FBXW5: variants seen among roughly 807,000 people sequenced by gnomAD.
FBXW5 encodes the protein F-box/WD repeat-containing protein 5.
Under a neutral mutation model 50.9 loss-of-function variants are expected in FBXW5, and 74 were observed. That is an observed-to-expected ratio of 1.45 (90% CI 1.20 to 1.76). FBXW5 has a LOEUF of 1.76. Ranked by LOEUF, FBXW5 falls within the 40% of genes most tolerant of loss-of-function variation. The probability of loss-of-function intolerance (pLI) is 0.00; values close to 1 mark genes in which losing one functional copy is unlikely to be tolerated. For missense variants in FBXW5, 1,073 were observed against 818.8 expected, an observed-to-expected ratio of 1.31 and a Z score of -3.79; for synonymous variants, 523 against 362.2, an observed-to-expected ratio of 1.44 and a Z score of -5.04.
chr9:136,943,391 G>A lies in FBXW5; in HGVS notation c.309C>T (p.Ser103=), dbSNP rs763323783. ...DQVLHLSFSH[S]GYQFASCSKD... ...TGGAGCAGGACGCGAACTGGTACCC[G>A]GAATGGGAGAAGCTGAGGTGCAGGA... is the stretch of plus-strand genomic sequence containing the variant. The change falls in exon 3 of 9, where the codon TCC becomes TCT. Residue 103 remains serine (S), a synonymous_variant. Transcript: ENST00000325285. 9.3e-6 allele frequency: 15 copies of A among 1,612,788 alleles called. No homozygotes were observed. Among genetic ancestry groups the A allele is most frequent in the South Asian group, 4.4e-5 (4 of 91,090 alleles).
intron 3 of FBXW5, 107 bp downstream of exon 3, chr9:136,943,242 T>TGGGGGGGG: frequency 2.3e-5 from 28 of 1,213,708 alleles, no homozygotes; most frequent in Non-Finnish European, 2.9e-5. Context: ...ACCTCTGGCC[T>TGGGGGGGG]GACCCACCCC....
At position 136,941,573 on chromosome 9, in the gene FBXW5, C is replaced by T; in HGVS notation, c.1208G>A (p.Gly403Glu). The T allele has an allele frequency of 6.2e-7, 1 of 1,610,006 alleles. No individual in the cohort carries two copies. The highest frequency in any genetic ancestry group is 1.3e-5 in the African/African-American group (1 of 74,096). ...CGACAGGCCCATGCCGATGATGTGT[C>T]CGTGTATGTCTATGACGTGGTCCAG... Reference protein sequence around the residue: ...DALDHVIDIHGHIIGMGLSPD... With the variant: ...DALDHVIDIHEHIIGMGLSPD... Residue 403 changes from glycine to glutamate, a missense_variant, in exon 7 of 9, where the codon GGA (glycine) becomes GAA (glutamate). By Grantham distance (98) the Gly-to-Glu change is moderately conservative. Coordinates refer to ENST00000325285, the MANE Select transcript of FBXW5 (RefSeq NM_018998.4).
In FBXW5 at chr9:136,943,498, A is replaced by G; in HGVS notation, c.202T>C (p.Ser68Pro). The change falls in exon 3 of 9, where the codon TCC becomes CCC. Residue 68 changes from serine (S) to proline (P), a missense_variant. Coordinates refer to ENST00000325285, the MANE Select transcript of FBXW5 (RefSeq NM_018998.4). The stretch of plus-strand genomic sequence containing the variant: ...AGCCGCTGGAACTCCTCGTACCAGG[A>G]CATGGCCGCTGCGGGTGGGCAGTTG... Reference protein sequence around the residue: ...RDVPRHPAAMSWYEEFQRLYD... With the variant: ...RDVPRHPAAMPWYEEFQRLYD... The G allele has an allele frequency of 6.2e-7, 1 of 1,608,998 alleles. No individual in the cohort carries two copies.
Position 136,940,945 on chromosome 9 carries a change from C to T in FBXW5, c.1684G>A (p.Ala562Thr), listed in dbSNP as rs747947815. 3.3e-5 allele frequency: 52 copies of T among 1,574,302 alleles called. No homozygotes were observed. Among genetic ancestry groups the T allele is most frequent in the Non-Finnish European group, 3.9e-5 (45 of 1,161,130 alleles). The change falls in exon 9 of 9, where the codon GCC becomes ACC. Residue 562 changes from alanine (A) to threonine (T), a missense_variant. Ala to Thr is a moderately conservative substitution (Grantham distance 58). Transcript: ENST00000325285. ...AGCACACCTCAGCGCCTCTGGCTGG[C>T]AAGCCAGGAGAAGAAGGTGCGAGGC... ...PRPRTFFSWL[A>T]SQRR
At position 136,941,239 on chromosome 9, in the gene FBXW5, C is replaced by G. The variant is rs370227114; in HGVS notation, c.1457+12G>C. The G allele has an allele frequency of 1.2e-6, 2 of 1,602,104 alleles. No homozygotes were observed. The highest frequency in any genetic ancestry group is 1.7e-6 in the Non-Finnish European group (2 of 1,178,474). ...TGCCCACACCCGCCCTGCACCACGC[C>G]GCGCCCTGCACCTGGCCACGAAGTC... On this transcript the variant is annotated intron_variant, in intron 8 of 8. Coordinates refer to ENST00000325285, the MANE Select transcript of FBXW5 (RefSeq NM_018998.4).
rs150544333 is a variant in FBXW5, at chr9:136,941,522, T to C, written c.1244+15A>G. On this transcript the variant is annotated intron_variant, in intron 7 of 8. Coordinates refer to ENST00000325285, the MANE Select transcript of FBXW5 (RefSeq NM_018998.4). ...CCTGCGGGCACCCCGCCTGGGACAC[T>C]GGCAAGAGGCCCACCTGTTGTCGGG... The C allele has an allele frequency of 3.4e-5, 55 of 1,607,094 alleles. No individual in the cohort carries two copies. In the East Asian group the frequency reaches 1.2e-3, roughly 35 times the overall value.
intron 3 of FBXW5, 80 bp from the exon 4 acceptor site, chr9:136,943,023 C>T: frequency 6.3e-7 from 1 of 1,596,234 alleles, no homozygotes; most frequent in Non-Finnish European, 8.5e-7. Flanking sequence ...CATGAGGCCC[C>T]AGCTCTGCCA....
chr9:136,943,888 G>A lies in FBXW5; in HGVS notation c.193+3C>T, dbSNP rs1850917895. The A allele has an allele frequency of 1.9e-6, 3 of 1,549,654 alleles. No homozygotes were observed. The highest frequency in any genetic ancestry group is 2.6e-6 in the Non-Finnish European group (3 of 1,146,688). ...GTGGGTAGGGGCCCCACACGCCACT[G>A]ACCTGGGTGTCGGGGCACGTCGCGG... On this transcript the variant is annotated splice_donor_region_variant and intron_variant, in intron 2 of 8. Coordinates refer to ENST00000325285, the MANE Select transcript of FBXW5 (RefSeq NM_018998.4).
At chr9:136,943,244 A>AGGCC in intron 3 of FBXW5, 105 bp downstream of exon 3, 1 of 727,610 alleles carries the variant, frequency 1.4e-6, no homozygotes, top group Non-Finnish European at 2.1e-6. Context: ...CTCTGGCCTG[A>AGGCC]CCCACCCCCC....
chr9:136,942,495 C>T (rs752888528), intron 5 of FBXW5, 29 bp from the exon 6 acceptor site: 45 of 1,597,380 alleles, frequency 2.8e-5, no homozygotes, highest in Middle Eastern at 1.7e-4. Context: ...GCCAGGTGGG[C>T]GCCGGGCGCC....
In FBXW5 at chr9:136,942,879, C is replaced by G; in HGVS notation, c.416G>C (p.Ser139Thr). 6.2e-7 allele frequency: 1 copy of G among 1,613,462 alleles called. No homozygotes were observed. The highest frequency in any genetic ancestry group is 8.5e-7 in the Non-Finnish European group (1 of 1,179,922). Residue 139 changes from serine (S) to threonine (T), a missense_variant, in exon 4 of 9, where the codon AGC becomes ACC. Transcript: ENST00000325285. ...GTTGAACTGGGAGAACTGGGTGTAG[C>G]TCCAGTTGTAGGGCCGCATGTCCGC... ...HSADMRPYNW[S>T]YTQFSQFNKD...
chr9:136,942,458 C>CT lies in FBXW5; in HGVS notation c.683dup (p.Ser229ValfsTer36), dbSNP rs1310643979. On this transcript the variant is annotated frameshift_variant, in exon 6 of 9. Transcript: ENST00000325285. LOFTEE classifies it high-confidence loss of function. The stretch of plus-strand genomic sequence containing the variant: ...GCTTCACCACGTTGACGTTCTCTGA[C>CT]TCCACATCCTGGGGGCGGGGGCACG... 8.1e-6 allele frequency: 13 copies of CT among 1,599,500 alleles called. No individual in the cohort carries two copies. The highest frequency in any genetic ancestry group is 1.0e-5 in the Non-Finnish European group (12 of 1,169,924).
At position 136,940,845 on chromosome 9, in the gene FBXW5, C is replaced by T; in HGVS notation, c.*83G>A. 2.7e-6 allele frequency: 4 copies of T among 1,496,512 alleles called. No homozygotes were observed. The highest frequency in any genetic ancestry group is 1.3e-5 in the South Asian group (1 of 78,630). The allele number at this position is 1,496,512 out of a possible 1,614,324, so 92.7% of individuals were successfully genotyped here. A position where few individuals can be genotyped will look rare whatever the true frequency, so the allele number is the denominator to read the frequency against. On this transcript the variant is annotated 3_prime_UTR_variant, in exon 9 of 9. Transcript: ENST00000325285. ...TAAGGCGTAACTGCTATAAGCATCT[C>T]CACCTCTCCCGCTCGGGAAAAAGCC...
Position 136,944,294 on chromosome 9 carries a change from C to G in FBXW5, c.-23-188G>C, listed in dbSNP as rs542695930. The G allele has an allele frequency of 3.8e-5, 26 of 678,810 alleles. 1 individual carries two copies. The South Asian group carries it at 1.1e-3, about 28-fold the overall frequency. The allele number at this position is 678,810 out of a possible 1,614,324, so 42.0% of individuals were successfully genotyped here. On this transcript the variant is annotated intron_variant, in intron 1 of 8. Transcript: ENST00000325285. ...CGGGCGGGCCGGGCCGGCCCCTCTC[C>G]GCCGCGTCATCCCCCGGCCTCCTGC...
chr9:136,943,184 C>A (rs1371844330), intron 3 of FBXW5, among the ~76,000 whole-genome samples, 165 bp downstream of exon 3: 1 of 152,166 alleles, frequency 6.6e-6, no homozygotes, highest in Admixed American at 6.5e-5. Context: ...CCCTGCACCG[C>A]TCCTGATCCT....
chr9:136,944,723 G>C lies in FBXW5; in HGVS notation c.-153C>G, dbSNP rs1051901940. ...CCAGGCCCGACGCCACGAGCCCCGAGGCATCGATGGCCGAGGAAGGCAGAG... is the reference window on the plus strand; with the variant it reads ...CCAGGCCCGACGCCACGAGCCCCGACGCATCGATGGCCGAGGAAGGCAGAG... On this transcript the variant is annotated 5_prime_UTR_variant, in exon 1 of 9. Transcript: ENST00000325285. 19 of 985,580 alleles carry C rather than the reference G, an allele frequency of 1.9e-5. No individual in the cohort carries two copies. The African/African-American group carries it at 3.3e-4, about 17-fold the overall frequency. 61.1% of individuals were successfully genotyped at this position (985,580 alleles called of 1,614,324 possible).
At chr9:136,941,817 G>C (rs1045652531) in intron 6 of FBXW5, 133 bp from the exon 7 acceptor site, 2 of 1,440,774 alleles carry the variant, frequency 1.4e-6, no homozygotes, top group African/African-American at 1.4e-5. Flanking sequence ...TGCTCCGGGG[G>C]CCCCAGACCT....
At chr9:136,944,376 C>T (rs182075206) in intron 1 of FBXW5, 13,421 of 659,616 alleles carry the variant, frequency 0.02, 152 homozygotes, top group Non-Finnish European at 0.024. Flanking sequence ...ACGCGAGGCA[C>T]GGGGACACCA....
At position 136,940,953 on chromosome 9, in the gene FBXW5, G is replaced by A. The variant is rs1850728088; in HGVS notation, c.1676C>T (p.Ser559Phe). The A allele has an allele frequency of 6.4e-7, 1 of 1,572,898 alleles. No individual in the cohort carries two copies. The highest frequency in any genetic ancestry group is 8.6e-7 in the Non-Finnish European group (1 of 1,159,878). Residue 559 changes from serine to phenylalanine, a missense_variant, in exon 9 of 9, where the codon TCC (serine) becomes TTC (phenylalanine). Physicochemically the swap from Ser to Phe is radical, Grantham distance 155 (BLOSUM62 -2). Transcript: ENST00000325285. ...TCAGCGCCTCTGGCTGGCAAGCCAGGAGAAGAAGGTGCGAGGCCGTGGGCG... is the reference window on the plus strand; with the variant it reads ...TCAGCGCCTCTGGCTGGCAAGCCAGAAGAAGAAGGTGCGAGGCCGTGGGCG... The part of the protein sequence containing the change: ...APRPRPRTFF[S>F]WLASQRR
Sources: allele counts gnomAD v4.1 joint callset (sites outside exome capture counted in the v4.1 genomes callset), GRCh38; gene constraint gnomAD v4.1.1; transcripts MANE v1.5; gene names NCBI Gene and HGNC (gene_info 2026-07-23, HGNC 2026-07-21).